The following SH3BP4 variants were observed in gnomAD, a reference collection of about 807,000 sequenced individuals.
SH3BP4 encodes the protein SH3 domain binding protein 4, also known as SH3 domain-binding protein 4.
Under a neutral mutation model 65.5 loss-of-function variants are expected in SH3BP4, and 33 were observed. The ratio of observed to expected loss-of-function variants is 0.50; its 90% CI spans 0.38 to 0.67. The LOEUF (loss-of-function observed/expected upper bound fraction) is 0.67. SH3BP4 is among the 30% of genes least tolerant of loss of function. SH3BP4 has a pLI of 0.00. For synonymous variants in SH3BP4, 552 were observed against 545.5 expected (o/e 1.01, Z -0.17); for missense variants, 1,134 against 1,261.4 (o/e 0.90, Z 1.53).
intron 1 of SH3BP4, among the ~76,000 whole-genome samples, chr2:234,987,101 A>T (rs979810274): frequency 2.0e-5 from 3 of 152,256 alleles, no homozygotes; most frequent in African/African-American, 7.2e-5. Context: ...CAGCATCAAC[A>T]TCAGCTGGGA....
In SH3BP4 at chr2:234,974,576, C is replaced by T. The variant is rs1051118744; in HGVS notation, c.-206-20727C>T. Among the ~76,000 whole-genome samples the T allele has an allele frequency of 1.3e-5, 2 of 152,148 alleles. No individual in the cohort carries two copies. Among genetic ancestry groups the T allele is most frequent in the East Asian group, 1.9e-4 (1 of 5,176 alleles). ...CCCAGAAAAAGCTTCTGTGTTTAGCCCTTCAGTTTCTTGCCTTAGTGTTAG... is the reference window on the plus strand; with the variant it reads ...CCCAGAAAAAGCTTCTGTGTTTAGCTCTTCAGTTTCTTGCCTTAGTGTTAG... On this transcript the variant is annotated intron_variant, in intron 1 of 5. Transcript: ENST00000392011. This position sits in a 1 kb window ranked among gnomAD's most constrained non-coding sequence, Gnocchi z 4.6.
At chr2:234,986,562 T>A (rs887154951) in intron 1 of SH3BP4, among the ~76,000 whole-genome samples, 1 of 152,140 alleles carries the variant, frequency 6.6e-6, no homozygotes, top group Non-Finnish European at 1.5e-5. Context: ...TGTGTGGTCT[T>A]GGGATTGTTC....
intron 1 of SH3BP4, among the ~76,000 whole-genome samples, chr2:234,955,187 G>A (rs755324930): frequency 6.6e-6 from 1 of 152,174 alleles, no homozygotes; most frequent in East Asian, 1.9e-4. Flanking sequence ...AAAGGTCACC[G>A]ATCACTAAAT....
intron 1 of SH3BP4, among the ~76,000 whole-genome samples, chr2:234,980,648 C>T (rs1693348252): frequency 6.6e-6 from 1 of 152,216 alleles, no homozygotes; most frequent in Non-Finnish European, 1.5e-5. Flanking sequence ...CCTTGGCTGC[C>T]AGTCCAGCTC....
chr2:235,042,810 G>T lies in SH3BP4; in HGVS notation c.2041G>T (p.Asp681Tyr), dbSNP rs1452058860. The T allele has an allele frequency of 6.2e-7, 1 of 1,614,028 alleles. No homozygotes were observed. The highest frequency in any genetic ancestry group is 1.7e-5 in the Admixed American group (1 of 60,026). ...CTACCTGCTGGAGTACAAGAAGGGC[G>T]ACGGGATCGCCCTGCTCAGCGAGGA... ...NHYLLEYKKG[D>Y]GIALLSEERV... Residue 681 changes from aspartate to tyrosine, a missense_variant, in exon 4 of 6, where the codon GAC becomes TAC. Transcript: ENST00000392011. This position sits in a 1 kb window ranked among gnomAD's most constrained non-coding sequence, Gnocchi z 7.3.
intron 2 of SH3BP4, among the ~76,000 whole-genome samples, chr2:235,000,318 C>T (rs1294029006): frequency 1.3e-5 from 2 of 152,202 alleles, no homozygotes; most frequent in Non-Finnish European, 2.9e-5. Context: ...CGAGCCTGGG[C>T]TGTGTGGCTT....
rs200703126 is a variant in SH3BP4, at chr2:235,034,164, G to GA, written c.-132-698dup. On this transcript the variant is annotated intron_variant, in intron 2 of 5. Coordinates refer to ENST00000392011, the MANE Select transcript of SH3BP4 (RefSeq NM_014521.3). The surrounding 1 kb of genome is among the most constrained non-coding windows in gnomAD (Gnocchi z 6.2). ...TCAGTCCTGTCTGTGCGCCCTTCCA[G>GA]AAAAAAAAAGCAGAGGCCTTAGGGG... 1.1e-3 allele frequency among the ~76,000 whole-genome samples: 166 copies of GA among 150,748 alleles called. 1 individual carries two copies. Among genetic ancestry groups the GA allele is most frequent in the African/African-American group, 3.6e-3 (147 of 41,156 alleles).
chr2:234,955,816 T>A (rs1692573059), intron 1 of SH3BP4, among the ~76,000 whole-genome samples: 1 of 152,200 alleles, frequency 6.6e-6, no homozygotes, highest in African/African-American at 2.4e-5. Flanking sequence ...TGTGTGCCCT[T>A]TTGAATCCTC....
chr2:234,969,921 A>G (rs972454519), intron 1 of SH3BP4, among the ~76,000 whole-genome samples: 4 of 151,232 alleles, frequency 2.6e-5, no homozygotes, highest in Non-Finnish European at 4.4e-5. Flanking sequence ...ACTCTGTCAC[A>G]CACACACATT....
intron 1 of SH3BP4, among the ~76,000 whole-genome samples, chr2:234,987,969 C>T (rs898195834): frequency 5.9e-5 from 9 of 152,180 alleles, no homozygotes; most frequent in Non-Finnish European, 1.3e-4. Context: ...GGCGCCATGA[C>T]ACAGGGACAC....
intron 1 of SH3BP4, among the ~76,000 whole-genome samples, chr2:234,970,729 A>G (rs1403106364): frequency 1.3e-5 from 2 of 152,102 alleles, no homozygotes; most frequent in African/African-American, 2.4e-5. Flanking sequence ...TCTGTTGCGT[A>G]GGTTTCCATG....
At chr2:234,960,779 T>A (rs1421908058) in intron 1 of SH3BP4, among the ~76,000 whole-genome samples, 3 of 152,220 alleles carry the variant, frequency 2.0e-5, no homozygotes, top group Non-Finnish European at 4.4e-5. Flanking sequence ...CACAGCTGTT[T>A]CTTCGAAATC....
intron 2 of SH3BP4, among the ~76,000 whole-genome samples, chr2:235,014,884 G>A (rs1162009876): frequency 6.6e-6 from 1 of 152,184 alleles, no homozygotes. Context: ...ATCTTTAGAA[G>A]GGACAAAGTG....
At chr2:235,019,873 T>TAAAA (rs199714068) in intron 2 of SH3BP4, among the ~76,000 whole-genome samples, 344 of 112,594 alleles carry the variant, frequency 3.1e-3, no homozygotes, top group African/African-American at 0.011. Context: ...TAAAGATTCT[T>TAAAA]AAAAAAAAAA....
At position 234,978,669 on chromosome 2, in the gene SH3BP4, G is replaced by A. The variant is rs1007742656; in HGVS notation, c.-206-16634G>A. Reference sequence around the variant, plus strand: ...GCGACTCCCAACTTCCAGCAAATCCGTGGTTGTTTTCAGTTACCTTAAGAG... The same window carrying A: ...GCGACTCCCAACTTCCAGCAAATCCATGGTTGTTTTCAGTTACCTTAAGAG... On this transcript the variant is annotated intron_variant, in intron 1 of 5. Transcript: ENST00000392011. This position sits in a 1 kb window ranked among gnomAD's most constrained non-coding sequence, Gnocchi z 4.1. The A allele has an allele frequency of 2.0e-5, 3 of 152,246 alleles. No individual in the cohort carries two copies. The highest frequency in any genetic ancestry group is 1.9e-4 in the East Asian group (1 of 5,200). 9.4% of individuals were successfully genotyped at this position (152,246 alleles called of 1,614,324 possible).
At chr2:234,990,747 G>C (rs975043222) in intron 1 of SH3BP4, among the ~76,000 whole-genome samples, 8 of 152,216 alleles carry the variant, frequency 5.3e-5, no homozygotes, top group African/African-American at 1.9e-4. Flanking sequence ...AAACTGCTGG[G>C]TGGTTTGCAC....
Position 235,034,854 on chromosome 2 carries a change from T to A in SH3BP4, c.-132-17T>A, listed in dbSNP as rs1041998446. On this transcript the variant is annotated splice_polypyrimidine_tract_variant and intron_variant, in intron 2 of 5. Transcript: ENST00000392011. This position sits in a 1 kb window ranked among gnomAD's most constrained non-coding sequence, Gnocchi z 6.2. Reference sequence around the variant, plus strand: ...TCGCTTGCTTAAGGGACTTTTTTGTTCCTCCTCTACTTTCAGGAAGAAACA... The same window carrying A: ...TCGCTTGCTTAAGGGACTTTTTTGTACCTCCTCTACTTTCAGGAAGAAACA... 1.7e-5 allele frequency: 11 copies of A among 634,812 alleles called. No homozygotes were observed. Among genetic ancestry groups the A allele is most frequent in the Non-Finnish European group, 2.7e-5 (10 of 365,542 alleles). 39.3% of individuals were successfully genotyped at this position (634,812 alleles called of 1,614,324 possible).
At position 234,973,566 on chromosome 2, in the gene SH3BP4, A is replaced by T. The variant is rs529094880; in HGVS notation, c.-207+21396A>T. Among the ~76,000 whole-genome samples, 28 of 152,264 alleles carry T rather than the reference A, an allele frequency of 1.8e-4. No individual in the cohort carries two copies. The South Asian group carries it at 5.2e-3, about 28-fold the overall frequency. ...TGACTTTCTGAGGCAGTCGTATGCA[A>T]TACGTACCCCCCTGAACAGACAGTA... is the stretch of plus-strand genomic sequence containing the variant. On this transcript the variant is annotated intron_variant, in intron 1 of 5. Transcript: ENST00000392011.
chr2:234,972,114 C>CT (rs535246984), intron 1 of SH3BP4, among the ~76,000 whole-genome samples: 5,080 of 137,650 alleles, frequency 0.037, 244 homozygotes, highest in East Asian at 0.22. Flanking sequence ...CGTGCCCGGC[C>CT]TTTTTTTTTT....
Sources: gnomAD v4.1 joint callset for allele counts (sites outside exome capture counted in the v4.1 genomes callset) on GRCh38, gnomAD v4.1.1 for gene constraint, Gnocchi (gnomAD v3.1) non-coding constraint, MANE v1.5 for transcripts, NCBI Gene and HGNC (gene_info 2026-07-23, HGNC 2026-07-21) for gene names.